Variants in FBRSL1 observed in about 807,000 individuals in gnomAD.
FBRSL1 encodes the protein fibrosin like 1.
Under a neutral mutation model 89.6 loss-of-function variants are expected in FBRSL1, and 51 were observed. The ratio of observed to expected loss-of-function variants is 0.57; its 90% confidence interval spans 0.45 to 0.72. The LOEUF (loss-of-function observed/expected upper bound fraction) is 0.72, where lower values mean the gene tolerates loss of function less well. Ranked by LOEUF, FBRSL1 falls within the 30% of genes least tolerant of loss-of-function variation. FBRSL1 has a pLI of 0.00. For synonymous variants in FBRSL1, 779 were observed against 681.1 expected, an observed-to-expected ratio of 1.14 and a Z score of -2.24; for missense variants, 1,618 against 1,451.8, an observed-to-expected ratio of 1.11 and a Z score of -1.86.
intron 14 of FBRSL1, 28 bp downstream of exon 14, chr12:132,574,592 G>T (rs924725704): frequency 1.3e-6 from 2 of 1,543,348 alleles, no homozygotes. Flanking sequence ...GGGGCAGGGC[G>T]CTTGTGAACC....
intron 4 of FBRSL1, among the ~76,000 whole-genome samples, chr12:132,534,742 GGTGGCTCAAGGCCCAGGCAGCT>G (rs1374553771): frequency 1.3e-5 from 2 of 152,246 alleles, no homozygotes; most frequent in African/African-American, 2.4e-5. Context: ...TCTGGGCCTT[GGTGGCTCAAGGCCCAGGCAGCT>G]GTGGCCAGCC....
intron 1 of FBRSL1, among the ~76,000 whole-genome samples, chr12:132,495,980 G>A (rs2031956506): frequency 6.6e-6 from 1 of 152,260 alleles, no homozygotes; most frequent in South Asian, 2.1e-4. Context: ...TACAGCAGGA[G>A]TCACCGGCCC....
chr12:132,553,840 T>G (rs954280593), intron 5 of FBRSL1: 1 of 152,216 alleles, frequency 6.6e-6, no homozygotes, highest in African/African-American at 2.4e-5. Context: ...ATGGCAGCAG[T>G]GGAGCTGGAG....
chr12:132,578,410 G>C (rs981851480), intron 15 of FBRSL1, among the ~76,000 whole-genome samples: 1 of 138,888 alleles, frequency 7.2e-6, no homozygotes, highest in African/African-American at 2.6e-5. Flanking sequence ...GTGTGGAAGT[G>C]AATCATCCTA....
intron 15 of FBRSL1, among the ~76,000 whole-genome samples, chr12:132,578,623 T>C (rs1239369464): frequency 2.6e-5 from 4 of 152,114 alleles, no homozygotes; most frequent in Non-Finnish European, 4.4e-5. Flanking sequence ...GGCACACACA[T>C]GGGCACTGCG....
chr12:132,558,095 G>A (rs1235416567), intron 5 of FBRSL1, among the ~76,000 whole-genome samples: 6 of 144,194 alleles, frequency 4.2e-5, no homozygotes, highest in African/African-American at 1.3e-4. Context: ...AAATGACCTC[G>A]TCACAGGGCC....
At chr12:132,570,982 C>A (rs1274359010) in intron 8 of FBRSL1, 86 bp from the exon 9 acceptor site, 2 of 903,520 alleles carry the variant, frequency 2.2e-6, no homozygotes, top group Non-Finnish European at 2.6e-6. Flanking sequence ...GGCCCCGTGT[C>A]CCGGGATGGG....
In FBRSL1 at chr12:132,571,226, T is replaced by G; in HGVS notation, c.1372T>G (p.Cys458Gly). 1 of 1,452,374 alleles carries G rather than the reference T, an allele frequency of 6.9e-7. No homozygotes were observed. The highest frequency in any genetic ancestry group is 9.1e-7 in the Non-Finnish European group (1 of 1,094,330). 90.0% of individuals were successfully genotyped at this position (1,452,374 alleles called of 1,614,324 possible). Residue 458 changes from cysteine to glycine, a missense_variant, in exon 9 of 19, where the codon TGC becomes GGC. Cys to Gly is a radical substitution (Grantham distance 159). Coordinates refer to ENST00000680143, the MANE Select transcript of FBRSL1 (RefSeq NM_001367871.1). ...CGGCTTGGCCTGCCGACCCCGGGAG[T>G]GCCAGGTGACTATCCGCCTCGCCCC... ...HPGLACRPRECQFDKYAPKLD... is the reference protein window; with the variant it reads ...HPGLACRPREGQFDKYAPKLD...
intron 5 of FBRSL1, among the ~76,000 whole-genome samples, chr12:132,559,010 G>A (rs1320496479): frequency 6.6e-6 from 1 of 152,260 alleles, no homozygotes; most frequent in Non-Finnish European, 1.5e-5. Context: ...TGGTGTCCTG[G>A]TTTTCCACCT....
intron 13 of FBRSL1, 35 bp downstream of exon 13, chr12:132,574,383 G>A (rs950217024): frequency 1.9e-6 from 3 of 1,549,682 alleles, no homozygotes; most frequent in Non-Finnish European, 2.6e-6. Flanking sequence ...TGGCAAGGGA[G>A]GACTCTGGTG....
intron 2 of FBRSL1, among the ~76,000 whole-genome samples, chr12:132,514,302 C>T (rs1288704104): frequency 1.3e-5 from 2 of 152,190 alleles, no homozygotes; most frequent in Non-Finnish European, 2.9e-5. Flanking sequence ...CAGGGCCGCC[C>T]AGAAGTCCAG....
At position 132,584,310 on chromosome 12, in the gene FBRSL1, CCTT is replaced by C. The variant is rs1433894373; in HGVS notation, c.*533_*535del. The C allele has an allele frequency of 1.3e-5, 2 of 152,004 alleles. No individual in the cohort carries two copies. The highest frequency in any genetic ancestry group is 2.4e-5 in the African/African-American group (1 of 41,372). 9.4% of individuals were successfully genotyped at this position (152,004 alleles called of 1,614,324 possible). A position where few individuals can be genotyped will look rare whatever the true frequency, so the allele number is the denominator to read the frequency against. On this transcript the variant is annotated 3_prime_UTR_variant, in exon 19 of 19. Coordinates refer to ENST00000680143, the MANE Select transcript of FBRSL1 (RefSeq NM_001367871.1). ...TAATGTACAAAACTTTGTTTTTTTG[CCTT>C]ATTATGCAGAAGTGTAATTTCTTTT...
In FBRSL1 at chr12:132,546,012, A is replaced by G. The variant is rs1351606066; in HGVS notation, c.616-1991A>G. Among the ~76,000 whole-genome samples the G allele has an allele frequency of 6.6e-6, 1 of 152,078 alleles. No individual in the cohort carries two copies. On this transcript the variant is annotated intron_variant, in intron 4 of 18. Coordinates refer to ENST00000680143, the MANE Select transcript of FBRSL1 (RefSeq NM_001367871.1). This position sits in a 1 kb window ranked among gnomAD's most constrained non-coding sequence, Gnocchi z 4.0. ...CCTCTCGGCCCTCCCCAGGCTCCCC[A>G]TGTGCAGAGGGCATCCTTGGCACAG...
rs557849316 is a variant in FBRSL1 at position 132,511,994 on chromosome 12, C to T, written c.489+3644C>T. The T allele has an allele frequency of 3.0e-5, 30 of 985,370 alleles. No homozygotes were observed. The Admixed American group carries it at 3.1e-4, about 10-fold the overall frequency. The allele number at this position is 985,370 out of a possible 1,614,324, so 61.0% of individuals were successfully genotyped here. A position where few individuals can be genotyped will look rare whatever the true frequency, so the allele number is the denominator to read the frequency against. On this transcript the variant is annotated intron_variant, in intron 2 of 18. Transcript: ENST00000680143. The stretch of plus-strand genomic sequence containing the variant: ...TTTAAACAGACGAGCATGTGTCTTA[C>T]GTGATTTATTCCCACAAAGGGCTTT...
At chr12:132,570,663 T>A in intron 8 of FBRSL1, 123 bp downstream of exon 8, 2 of 876,964 alleles carry the variant, frequency 2.3e-6, no homozygotes, top group Non-Finnish European at 3.3e-6. Flanking sequence ...CCTGCGCGCC[T>A]CTCTGAGTGG....
At chr12:132,532,278 A>G (rs1354898964) in intron 4 of FBRSL1, among the ~76,000 whole-genome samples, 1 of 152,126 alleles carries the variant, frequency 6.6e-6, no homozygotes, top group East Asian at 1.9e-4. Context: ...CCCGTTCTCC[A>G]GACAGGATCA....
Position 132,564,850 on chromosome 12 carries a change from C to T in FBRSL1, c.646-2631C>T, listed in dbSNP as rs1052246456. Among the ~76,000 whole-genome samples the T allele has an allele frequency of 9.2e-5, 14 of 151,500 alleles. 1 individual carries two copies. Among genetic ancestry groups the T allele is most frequent in the South Asian group, 6.2e-4 (3 of 4,806 alleles). ...TTCACCGTGTTGGCCAGGATGGTCT[C>T]GATCTGCTGACCTCGTGATCCGCCG... On this transcript the variant is annotated intron_variant, in intron 5 of 18. Transcript: ENST00000680143.
intron 1 of FBRSL1, among the ~76,000 whole-genome samples, chr12:132,504,468 C>T (rs2033424564): frequency 1.3e-5 from 2 of 152,146 alleles, no homozygotes; most frequent in South Asian, 2.1e-4. Context: ...GGTCTGGGGC[C>T]CTAGCCACTA....
chr12:132,497,097 G>A (rs979965152), intron 1 of FBRSL1, among the ~76,000 whole-genome samples: 3 of 152,244 alleles, frequency 2.0e-5, no homozygotes, highest in Admixed American at 1.3e-4. Flanking sequence ...TCTTGCTTCC[G>A]CTGGTTTTGC....
Sources: allele counts gnomAD v4.1 joint callset (sites outside exome capture counted in the v4.1 genomes callset), GRCh38; gene constraint gnomAD v4.1.1; non-coding constraint Gnocchi (gnomAD v3.1); transcripts MANE v1.5; gene names NCBI Gene and HGNC (gene_info 2026-07-23, HGNC 2026-07-21).